CPXM2: variants seen among roughly 807,000 people sequenced by gnomAD.
CPXM2 encodes the protein inactive carboxypeptidase-like protein X2.
CPXM2 carries 66 observed loss-of-function variants against 86.1 expected under a neutral mutation model. The ratio of observed to expected loss-of-function variants is 0.77; its 90% CI spans 0.63 to 0.94. CPXM2 has a LOEUF of 0.94. CPXM2 is among the 40% of genes least tolerant of loss of function. The probability of loss-of-function intolerance (pLI) is 0.00; values close to 1 mark genes in which losing one functional copy is unlikely to be tolerated. For missense variants in CPXM2, 948 were observed against 1,026.3 expected (o/e 0.92, Z 1.04); for synonymous variants, 388 against 400.2 (o/e 0.97, Z 0.36).
chr10:123,799,154 G>C lies in CPXM2; in HGVS notation c.699C>G (p.Ser233Arg), dbSNP rs749999619. 2.0e-5 allele frequency: 33 copies of C among 1,614,028 alleles called. No homozygotes were observed. In the Admixed American group the frequency reaches 5.5e-4, roughly 27 times the overall value. The change falls in exon 5 of 14, where the codon AGC (serine) becomes AGG (arginine). Residue 233 changes from serine to arginine, a missense_variant. By Grantham distance (110) the Ser-to-Arg change is moderately radical. Transcript: ENST00000241305. ...CATTCTTAACAGTGACCCACGTGTG[G>C]CTGTCATTGCTCACCATGACCTTAT... ...TSYKVMVSND[S>R]HTWVTVKNGS...
At chr10:123,938,169 A>G (rs1307793618) in intron 2 of CPXM2, among the ~76,000 whole-genome samples, 1 of 152,120 alleles carries the variant, frequency 6.6e-6, no homozygotes, top group East Asian at 1.9e-4. Context: ...TGTGCACACA[A>G]TCACTAGGAG....
intron 2 of CPXM2, among the ~76,000 whole-genome samples, chr10:123,934,940 A>G (rs1222657365): frequency 6.6e-6 from 1 of 152,180 alleles, no homozygotes. Flanking sequence ...ACTCCTCATC[A>G]TCTAAAATTA....
chr10:123,750,338 T>G, intron 13 of CPXM2: 3 of 973,396 alleles, frequency 3.1e-6, no homozygotes, highest in Non-Finnish European at 3.7e-6. Flanking sequence ...TCCACATCAT[T>G]GCACTCCACT....
chr10:123,790,768 G>C (rs776325623), intron 6 of CPXM2, among the ~76,000 whole-genome samples: 75 of 152,138 alleles, frequency 4.9e-4, no homozygotes, highest in Non-Finnish European at 9.3e-4. Flanking sequence ...AGATTCCCAA[G>C]AGTCTGCCTC....
intron 2 of CPXM2, among the ~76,000 whole-genome samples, chr10:123,911,910 G>A (rs1168892138): frequency 6.6e-6 from 1 of 152,098 alleles, no homozygotes; most frequent in Non-Finnish European, 1.5e-5. Context: ...ATTCGACTGA[G>A]GGGCATAAGG....
chr10:123,815,878 T>C (rs979814212), intron 4 of CPXM2, among the ~76,000 whole-genome samples: 2 of 152,120 alleles, frequency 1.3e-5, no homozygotes, highest in Non-Finnish European at 2.9e-5. Context: ...GGGTGTGGGA[T>C]AATGGTGGAA....
intron 6 of CPXM2, among the ~76,000 whole-genome samples, chr10:123,792,635 A>AGACTGAGGAGGAAGGCAGCG (rs1564771692): frequency 1.3e-5 from 2 of 152,048 alleles, no homozygotes; most frequent in African/African-American, 4.8e-5. Flanking sequence ...GCAGGGCAGC[A>AGACTGAGGAGGAAGGCAGCG]GGCTAGACTG....
chr10:123,884,678 C>A (rs1945152166), intron 1 of CPXM2, among the ~76,000 whole-genome samples: 1 of 152,216 alleles, frequency 6.6e-6, no homozygotes, highest in South Asian at 2.1e-4. Flanking sequence ...AGACCAAAAT[C>A]AATCAATCAA....
At chr10:123,781,886 C>T (rs1391529654) in intron 6 of CPXM2, among the ~76,000 whole-genome samples, 1 of 152,216 alleles carries the variant, frequency 6.6e-6, no homozygotes, top group Non-Finnish European at 1.5e-5. Flanking sequence ...TCACAAGTGC[C>T]ATACCCGAAC....
chr10:123,862,513 G>A lies in CPXM2; in HGVS notation c.513+101C>T. ...TATCCTTTCTTACTGTGAGCATCCA[G>A]GCTAATGCATTTTAAATCCTGCGCA... On this transcript the variant is annotated intron_variant, in intron 3 of 13. Coordinates refer to ENST00000241305, the MANE Select transcript of CPXM2 (RefSeq NM_198148.3). 4 of 992,760 alleles carry A rather than the reference G, an allele frequency of 4.0e-6. No homozygotes were observed. The Admixed American group carries it at 7.7e-5, about 19-fold the overall frequency. The allele number at this position is 992,760 out of a possible 1,614,324, so 61.5% of individuals were successfully genotyped here.
At chr10:123,771,124 T>C in intron 7 of CPXM2, 85 bp from the exon 8 acceptor site, 1 of 1,336,862 alleles carries the variant, frequency 7.5e-7, no homozygotes, top group African/African-American at 1.4e-5. Context: ...GGACACCTCT[T>C]GCTTTCCTCC....
intron 6 of CPXM2, among the ~76,000 whole-genome samples, chr10:123,794,259 C>T (rs1847273965): frequency 1.3e-5 from 2 of 152,140 alleles, no homozygotes; most frequent in African/African-American, 4.8e-5. Flanking sequence ...GTCGCTCAGA[C>T]CTGGCCAGGA....
At chr10:123,801,564 CT>C (rs1458702629) in intron 4 of CPXM2, among the ~76,000 whole-genome samples, 1 of 152,234 alleles carries the variant, frequency 6.6e-6, no homozygotes, top group African/African-American at 2.4e-5. Flanking sequence ...CTCAGGCCCC[CT>C]GGCATCTAAA....
intron 4 of CPXM2, among the ~76,000 whole-genome samples, chr10:123,809,815 T>TG (rs1372086147): frequency 6.6e-6 from 1 of 152,002 alleles, no homozygotes; most frequent in Non-Finnish European, 1.5e-5. Flanking sequence ...AATAACAGAG[T>TG]GTTTTATGCA....
intron 2 of CPXM2, among the ~76,000 whole-genome samples, chr10:123,911,890 C>T (rs539350921): frequency 3.3e-5 from 5 of 152,078 alleles, no homozygotes; most frequent in South Asian, 4.2e-4. Flanking sequence ...TTGCCTCCTC[C>T]GAAGAAAGAA....
chr10:123,812,719 C>T lies in CPXM2; in HGVS notation c.654-13520G>A, dbSNP rs146204272. ...CATTAGATTCTCACAGGAGCATGAA[C>T]CCTATTGTGAACTGTGCCCATGAGG... On this transcript the variant is annotated intron_variant, in intron 4 of 13. Transcript: ENST00000241305. Among the ~76,000 whole-genome samples, 682 of 152,260 alleles carry T rather than the reference C, an allele frequency of 4.5e-3. 3 individuals are homozygous for T. Among genetic ancestry groups the T allele is most frequent in the African/African-American group, 0.016 (649 of 41,568 alleles).
intron 7 of CPXM2, among the ~76,000 whole-genome samples, chr10:123,773,959 G>A (rs117204056): frequency 4.3e-4 from 65 of 152,304 alleles, no homozygotes; most frequent in Middle Eastern, 3.4e-3. Context: ...CTTGCCTCGC[G>A]TCACTGAATG....
intron 4 of CPXM2, among the ~76,000 whole-genome samples, chr10:123,826,953 C>A (rs1848060758): frequency 6.6e-6 from 1 of 152,080 alleles, no homozygotes; most frequent in Non-Finnish European, 1.5e-5. Flanking sequence ...GGGATAAAGA[C>A]AAACTCTCTA....
At chr10:123,840,674 A>C (rs1320928880) in intron 4 of CPXM2, among the ~76,000 whole-genome samples, 1 of 152,236 alleles carries the variant, frequency 6.6e-6, no homozygotes, top group Non-Finnish European at 1.5e-5. Flanking sequence ...CTGTTCGCAT[A>C]AGGACCACGG....
Sources: allele counts gnomAD v4.1 joint callset (sites outside exome capture counted in the v4.1 genomes callset), GRCh38; gene constraint gnomAD v4.1.1; transcripts MANE v1.5; gene names NCBI Gene and HGNC (gene_info 2026-07-23, HGNC 2026-07-21).